Variants in PTPRG observed in about 807,000 individuals in gnomAD.
The protein encoded by PTPRG is receptor-type tyrosine-protein phosphatase gamma.
PTPRG carries 102 observed loss-of-function variants against 165.3 expected under a neutral mutation model. The ratio of observed to expected loss-of-function variants is 0.62; its 90% CI spans 0.53 to 0.73. The LOEUF (loss-of-function observed/expected upper bound fraction) is 0.73, where lower values mean the gene tolerates loss of function less well. Among genes scored for constraint, PTPRG ranks in the 30% least tolerant of loss-of-function variants. The probability of loss-of-function intolerance (pLI) is 0.00; values close to 1 mark genes in which losing one functional copy is unlikely to be tolerated. For synonymous variants in PTPRG, 675 were observed against 669.5 expected, an observed-to-expected ratio of 1.01 and a Z score of -0.13; for missense variants, 1,866 against 1,861.4, an observed-to-expected ratio of 1.00 and a Z score of -0.05.
At chr3:61,844,899 G>A (rs1474235533) in intron 2 of PTPRG, among the ~76,000 whole-genome samples, 4 of 152,118 alleles carry the variant, frequency 2.6e-5, no homozygotes, top group African/African-American at 7.2e-5. Flanking sequence ...TAGTAATAGG[G>A]ATACCTACAT....
chr3:61,688,627 G>C (rs1054420279), intron 1 of PTPRG, among the ~76,000 whole-genome samples: 2 of 152,218 alleles, frequency 1.3e-5, no homozygotes, highest in South Asian at 2.1e-4. Flanking sequence ...CAGAGTGAAA[G>C]AAAGGAGCCA....
At chr3:62,015,191 C>G (rs2041512257) in intron 4 of PTPRG, among the ~76,000 whole-genome samples, 1 of 152,226 alleles carries the variant, frequency 6.6e-6, no homozygotes, top group African/African-American at 2.4e-5. Context: ...ACAGAGCCTT[C>G]TCTGTGGAGG....
intron 2 of PTPRG, among the ~76,000 whole-genome samples, chr3:61,950,322 A>G (rs556640094): frequency 2.0e-5 from 3 of 152,190 alleles, no homozygotes; most frequent in African/African-American, 7.2e-5. Flanking sequence ...TATGACACCT[A>G]TGCCTCCAAA....
chr3:61,660,783 C>T (rs1281968494), intron 1 of PTPRG, among the ~76,000 whole-genome samples: 1 of 152,078 alleles, frequency 6.6e-6, no homozygotes, highest in Non-Finnish European at 1.5e-5. Context: ...GGGCTGATAC[C>T]TGAGGTCGGG....
At chr3:61,728,674 A>G (rs1424481451) in intron 1 of PTPRG, among the ~76,000 whole-genome samples, 1 of 136,044 alleles carries the variant, frequency 7.4e-6, no homozygotes, top group Non-Finnish European at 1.6e-5. Flanking sequence ...GCTAAGAGCT[A>G]TGTATTTTTT....
At chr3:62,155,265 G>A (rs889206952) in intron 6 of PTPRG, among the ~76,000 whole-genome samples, 3 of 152,296 alleles carry the variant, frequency 2.0e-5, no homozygotes, top group South Asian at 2.1e-4. Context: ...TGAGCCTCAC[G>A]AATAACTGCT....
intron 28 of PTPRG, among the ~76,000 whole-genome samples, chr3:62,288,336 T>C (rs1403908611): frequency 6.6e-6 from 1 of 152,044 alleles, no homozygotes; most frequent in African/African-American, 2.4e-5. Flanking sequence ...TTTGGAAATA[T>C]GATGAAGGAA....
chr3:61,865,399 A>C (rs1035462598), intron 2 of PTPRG, among the ~76,000 whole-genome samples: 4 of 152,314 alleles, frequency 2.6e-5, no homozygotes, highest in Admixed American at 6.5e-5. Context: ...TACTTGTTCT[A>C]GCTGAGGAAA....
intron 1 of PTPRG, among the ~76,000 whole-genome samples, chr3:61,646,849 A>G (rs111590394): frequency 2.0e-3 from 299 of 152,294 alleles, no homozygotes; most frequent in Admixed American, 3.9e-3. Context: ...TATTTCGAGA[A>G]TGTCATTATA....
chr3:62,016,456 G>C (rs1486954860), intron 4 of PTPRG, among the ~76,000 whole-genome samples: 1 of 152,092 alleles, frequency 6.6e-6, no homozygotes, highest in Non-Finnish European at 1.5e-5. Flanking sequence ...GTGAGCCACC[G>C]CGCCCGGCCT....
intron 2 of PTPRG, among the ~76,000 whole-genome samples, chr3:61,803,549 C>T (rs2035321819): frequency 8.0e-6 from 1 of 125,474 alleles, no homozygotes; most frequent in Non-Finnish European, 1.7e-5. Context: ...ACACTGCAAC[C>T]CACAGTACTA....
chr3:62,282,875 T>C lies in PTPRG; in HGVS notation c.4055+6T>C. The C allele has an allele frequency of 2.5e-6, 4 of 1,589,228 alleles. No individual in the cohort carries two copies. Among genetic ancestry groups the C allele is most frequent in the Non-Finnish European group, 3.4e-6 (4 of 1,169,908 alleles). ...CCCACCATTGTTCATGATGAGTATG[T>C]ATCTGTTTCTTAATTTTAAAATGTA... On this transcript the variant is annotated splice_donor_region_variant and intron_variant, in intron 28 of 29. Coordinates refer to ENST00000474889, the MANE Select transcript of PTPRG (RefSeq NM_002841.4).
At chr3:61,892,816 CAAA>C (rs1311103826) in intron 2 of PTPRG, among the ~76,000 whole-genome samples, 2 of 120,636 alleles carry the variant, frequency 1.7e-5, no homozygotes, top group Non-Finnish European at 1.8e-5. Flanking sequence ...AACTCTGTCT[CAAA>C]AAAAAAAAAA....
intron 2 of PTPRG, among the ~76,000 whole-genome samples, chr3:61,759,133 C>T (rs1418379255): frequency 6.6e-6 from 1 of 152,132 alleles, no homozygotes; most frequent in African/African-American, 2.4e-5. Flanking sequence ...TGTTTGAGAT[C>T]AGCTACCTGA....
At chr3:61,594,445 G>A (rs149061718) in intron 1 of PTPRG, among the ~76,000 whole-genome samples, 107 of 151,998 alleles carry the variant, frequency 7.0e-4, no homozygotes, top group African/African-American at 2.0e-3. Flanking sequence ...GCTGTTAGAC[G>A]TTGGGAGTGC....
intron 2 of PTPRG, chr3:61,925,747 A>AC: frequency 2.7e-6 from 1 of 376,302 alleles, no homozygotes; most frequent in South Asian, 2.1e-5. Flanking sequence ...TATCTTTAAA[A>AC]AAAAAAAAAA....
rs577211291 is a variant in PTPRG at position 62,031,364 on chromosome 3, G to A, written c.519+27867G>A. Among the ~76,000 whole-genome samples, 21 of 152,302 alleles carry A rather than the reference G, an allele frequency of 1.4e-4. 1 individual carries two copies. In the South Asian group the frequency reaches 3.9e-3, roughly 29 times the overall value. ...GGATAGGAGAACGTGGGGGAAATGT[G>A]TGTCCAGGGAAAACTGCAGCAAGCC... is the stretch of plus-strand genomic sequence containing the variant. On this transcript the variant is annotated intron_variant, in intron 4 of 29. Transcript: ENST00000474889.
chr3:61,745,357 A>G (rs1456691290), intron 1 of PTPRG, among the ~76,000 whole-genome samples: 1 of 151,876 alleles, frequency 6.6e-6, no homozygotes, highest in East Asian at 1.9e-4. Flanking sequence ...CCATTCCCTC[A>G]CTGTTGATGA....
chr3:61,919,317 A>G (rs753844580), intron 2 of PTPRG, among the ~76,000 whole-genome samples: 6 of 152,210 alleles, frequency 3.9e-5, no homozygotes, highest in Non-Finnish European at 5.9e-5. Context: ...CTGCAAAGTA[A>G]GGATGTGGTA....
Sources: allele counts gnomAD v4.1 joint callset (sites outside exome capture counted in the v4.1 genomes callset), GRCh38; gene constraint gnomAD v4.1.1; transcripts MANE v1.5; gene names NCBI Gene and HGNC (gene_info 2026-07-23, HGNC 2026-07-21).